The following ADGRL2 variants were observed in gnomAD, a reference collection of about 807,000 sequenced individuals.
The protein encoded by ADGRL2 is adhesion G protein-coupled receptor L2.
ADGRL2 carries 44 observed loss-of-function variants against 157.4 expected under a neutral mutation model. The observed-to-expected ratio is 0.28, with a 90% CI of 0.22 to 0.36. ADGRL2 has a LOEUF of 0.36. ADGRL2 is among the 10% of genes least tolerant of loss of function. The probability of loss-of-function intolerance (pLI) is 1.00; values close to 1 mark genes in which losing one functional copy is unlikely to be tolerated. For missense variants in ADGRL2, 1,510 were observed against 1,768.9 expected (o/e 0.85, Z 2.63); for synonymous variants, 585 against 624.7 (o/e 0.94, Z 0.95).
chr1:81,542,132 C>G (rs984880433), intron 2 of ADGRL2, among the ~76,000 whole-genome samples: 3 of 152,152 alleles, frequency 2.0e-5, no homozygotes, highest in African/African-American at 4.8e-5. Context: ...ATGTGAAAAC[C>G]TCATGCCCAT....
At chr1:81,809,546 A>G (rs757095969) in intron 1 of ADGRL2, among the ~76,000 whole-genome samples, 8 of 152,140 alleles carry the variant, frequency 5.3e-5, no homozygotes, top group Non-Finnish European at 1.0e-4. Context: ...GAACAAAACC[A>G]GATACAATCC....
chr1:81,568,680 A>G (rs1378242073), intron 2 of ADGRL2, among the ~76,000 whole-genome samples: 1 of 152,190 alleles, frequency 6.6e-6, no homozygotes, highest in African/African-American at 2.4e-5. Context: ...GAAGGGTTAG[A>G]TAACTCAAAC....
At chr1:81,717,634 G>C (rs1408938701) in intron 1 of ADGRL2, among the ~76,000 whole-genome samples, 2 of 152,142 alleles carry the variant, frequency 1.3e-5, no homozygotes, top group Non-Finnish European at 2.9e-5. Context: ...TCACATTCTT[G>C]CTTCACTTGG....
chr1:81,560,772 G>C (rs182854111), intron 2 of ADGRL2, among the ~76,000 whole-genome samples: 2 of 152,008 alleles, frequency 1.3e-5, no homozygotes, highest in African/African-American at 4.8e-5. Context: ...CTGGTCATTC[G>C]GGAATCAGTA....
intron 1 of ADGRL2, among the ~76,000 whole-genome samples, chr1:81,436,167 G>A (rs1328074108): frequency 6.6e-6 from 1 of 152,142 alleles, no homozygotes; most frequent in Non-Finnish European, 1.5e-5. Flanking sequence ...TTGCTGTCAG[G>A]TAGACAGTAT....
intron 2 of ADGRL2, among the ~76,000 whole-genome samples, chr1:81,869,226 G>A (rs2093629341): frequency 6.6e-6 from 1 of 151,914 alleles, no homozygotes; most frequent in African/African-American, 2.4e-5. Flanking sequence ...GGTCCTTTTC[G>A]AGGTCTTTTT....
At chr1:81,883,460 C>A (rs2094040189) in intron 2 of ADGRL2, among the ~76,000 whole-genome samples, 1 of 152,092 alleles carries the variant, frequency 6.6e-6, no homozygotes, top group South Asian at 2.1e-4. Context: ...GGAAATCCTC[C>A]TCCTATTTCC....
chr1:81,852,779 T>C (rs1258008368), intron 2 of ADGRL2, among the ~76,000 whole-genome samples: 2 of 152,130 alleles, frequency 1.3e-5, no homozygotes, highest in African/African-American at 4.8e-5. Context: ...TTATTAGAAA[T>C]ACATACTTTC....
chr1:81,966,643 G>T (rs1206081717), intron 13 of ADGRL2, 34 bp downstream of exon 13: 1 of 1,589,110 alleles, frequency 6.3e-7, no homozygotes. Flanking sequence ...GTAATGGAAG[G>T]TTATAAAAGC....
chr1:81,847,185 G>C (rs2092825635), intron 2 of ADGRL2, among the ~76,000 whole-genome samples: 1 of 151,894 alleles, frequency 6.6e-6, no homozygotes, highest in African/African-American at 2.4e-5. Context: ...GCAGAAGAAA[G>C]ATGATGGAGG....
rs2091196997 is a variant in ADGRL2, at chr1:81,823,476, G to C, written c.-100-13409G>C. 2.7e-5 allele frequency among the ~76,000 whole-genome samples: 4 copies of C among 148,128 alleles called. No individual in the cohort carries two copies. The South Asian group carries it at 8.5e-4, about 31-fold the overall frequency. On this transcript the variant is annotated intron_variant, in intron 1 of 23. Transcript: ENST00000686636. ...TCTTATTGTCAAAAACATTTATTAT[G>C]TGCTAGCTCTTTGTCAGGCACTATG...
chr1:81,864,707 A>G (rs1216513245), intron 2 of ADGRL2, among the ~76,000 whole-genome samples: 1 of 152,176 alleles, frequency 6.6e-6, no homozygotes, highest in Non-Finnish European at 1.5e-5. Flanking sequence ...CACACCTGTA[A>G]TCCCAGCACT....
intron 18 of ADGRL2, among the ~76,000 whole-genome samples, chr1:81,980,181 G>T (rs1223926608): frequency 6.6e-6 from 1 of 151,558 alleles, no homozygotes; most frequent in African/African-American, 2.4e-5. Context: ...TGTTTCAGTG[G>T]CTTTGTGGAA....
intron 1 of ADGRL2, among the ~76,000 whole-genome samples, chr1:81,391,262 C>T (rs1242707928): frequency 1.3e-5 from 2 of 152,302 alleles, no homozygotes; most frequent in Admixed American, 6.5e-5. Flanking sequence ...GCTTGTGGCA[C>T]TTGTGCTACA....
At chr1:81,854,509 T>C (rs2093133748) in intron 2 of ADGRL2, among the ~76,000 whole-genome samples, 1 of 152,196 alleles carries the variant, frequency 6.6e-6, no homozygotes, top group Non-Finnish European at 1.5e-5. Flanking sequence ...TTGCTTATTA[T>C]AAAATTGGGA....
intron 2 of ADGRL2, among the ~76,000 whole-genome samples, chr1:81,893,344 A>G (rs114718523): frequency 0.015 from 1,767 of 118,124 alleles, 34 homozygotes; most frequent in African/African-American, 0.046. Flanking sequence ...TTTCTTGAAT[A>G]GTACAGGAAC....
chr1:81,803,605 TC>T (rs2088651918), intron 1 of ADGRL2, among the ~76,000 whole-genome samples: 1 of 151,904 alleles, frequency 6.6e-6, no homozygotes, highest in African/African-American at 2.4e-5. Flanking sequence ...TGTCTCAGAT[TC>T]CGACCGAGGG....
At chr1:81,602,505 T>C (rs1268634617) in intron 3 of ADGRL2, among the ~76,000 whole-genome samples, 1 of 152,034 alleles carries the variant, frequency 6.6e-6, no homozygotes, top group African/African-American at 2.4e-5. Flanking sequence ...AGGCAGAGAA[T>C]TGCTTGAACC....
At chr1:81,826,894 T>TAA (rs1322417230) in intron 1 of ADGRL2, among the ~76,000 whole-genome samples, 2 of 152,198 alleles carry the variant, frequency 1.3e-5, no homozygotes, top group Non-Finnish European at 2.9e-5. Context: ...CTTATATATA[T>TAA]AATGTTGATA....
Sources: allele counts gnomAD v4.1 joint callset (sites outside exome capture counted in the v4.1 genomes callset), GRCh38; gene constraint gnomAD v4.1.1; transcripts MANE v1.5; gene names NCBI Gene and HGNC (gene_info 2026-07-23, HGNC 2026-07-21).